The following RALGAPA2 variants were observed in gnomAD, a reference collection of about 807,000 sequenced individuals.
The protein encoded by RALGAPA2 is ral GTPase-activating protein subunit alpha-2.
A neutral mutation model predicts 230.4 loss-of-function variants in RALGAPA2; 139 were observed. The ratio of observed to expected loss-of-function variants is 0.60; its 90% CI spans 0.53 to 0.69. RALGAPA2 has a LOEUF of 0.69. Among genes scored for constraint, RALGAPA2 ranks in the 30% least tolerant of loss-of-function variants. The probability of loss-of-function intolerance (pLI) is 0.00; values close to 1 mark genes in which losing one functional copy is unlikely to be tolerated. For missense variants in RALGAPA2, 2,163 were observed against 2,276.0 expected (o/e 0.95, Z 1.01); for synonymous variants, 847 against 837.8 (o/e 1.01, Z -0.19).
intron 23 of RALGAPA2, among the ~76,000 whole-genome samples, chr20:20,548,595 T>G (rs2063837606): frequency 6.6e-6 from 1 of 152,202 alleles, no homozygotes; most frequent in Non-Finnish European, 1.5e-5. Context: ...CCATGCTTCT[T>G]CCAGGTTAAT....
At chr20:20,527,204 CAGA>C (rs2063229759) in intron 27 of RALGAPA2, among the ~76,000 whole-genome samples, 2 of 152,196 alleles carry the variant, frequency 1.3e-5, no homozygotes, top group African/African-American at 4.8e-5. Context: ...CCACATGAAG[CAGA>C]CCATCATCAA....
At chr20:20,425,709 T>C (rs1364769313) in intron 37 of RALGAPA2, among the ~76,000 whole-genome samples, 2 of 152,188 alleles carry the variant, frequency 1.3e-5, no homozygotes, top group Non-Finnish European at 2.9e-5. Flanking sequence ...ACCTGAGTGA[T>C]AAATATTACT....
At position 20,465,149 on chromosome 20, in the gene RALGAPA2, T is replaced by TCACACACACACACACACACA. The variant is rs74180992; in HGVS notation, c.5495+7660_5495+7679dup. Among the ~76,000 whole-genome samples the TCACACACACACACACACACA allele has an allele frequency of 7.4e-3, 810 of 109,188 alleles. 27 individuals carry two copies. The highest frequency in any genetic ancestry group is 0.024 in the East Asian group (79 of 3,234). The allele number at this position is 109,188 out of a possible 152,430, so 71.6% of individuals were successfully genotyped here. ...GCTTCTTCCCTCCCCCCGCAGGCCT[T>TCACACACACACACACACACA]CACACACACACACACACACACACAC... On this transcript the variant is annotated intron_variant, in intron 37 of 39. Transcript: ENST00000202677.
intron 37 of RALGAPA2, among the ~76,000 whole-genome samples, chr20:20,470,551 C>T (rs1238698008): frequency 6.6e-6 from 1 of 151,920 alleles, no homozygotes; most frequent in African/African-American, 2.4e-5. Flanking sequence ...TGTAATCTCC[C>T]CAAGGGCTGA....
intron 35 of RALGAPA2, among the ~76,000 whole-genome samples, chr20:20,498,088 G>T (rs551242564): frequency 5.3e-5 from 8 of 152,164 alleles, no homozygotes; most frequent in Admixed American, 1.3e-4. Flanking sequence ...TCAAAGTGTT[G>T]CCCAATTTAA....
At chr20:20,458,824 ATATATATATATAGACC>A (rs1343188914) in intron 37 of RALGAPA2, among the ~76,000 whole-genome samples, 95 of 3,496 alleles carry the variant, frequency 0.027, no homozygotes, top group South Asian at 0.11. Flanking sequence ...ATATAGACCT[ATATATATATATAGACC>A]TATATATATA....
At chr20:20,694,296 GT>G (rs1437409621) in intron 1 of RALGAPA2, among the ~76,000 whole-genome samples, 2 of 152,148 alleles carry the variant, frequency 1.3e-5, no homozygotes, top group Non-Finnish European at 2.9e-5. Flanking sequence ...CCAGAAGTTG[GT>G]TTGTTTAAAA....
intron 36 of RALGAPA2, among the ~76,000 whole-genome samples, chr20:20,487,869 G>C (rs955508751): frequency 6.6e-5 from 10 of 150,950 alleles, no homozygotes; most frequent in African/African-American, 2.4e-4. Flanking sequence ...CTGAGATCGT[G>C]CCACTGCACT....
Position 20,691,666 on chromosome 20 carries a change from C to T in RALGAPA2, c.107-10865G>A, listed in dbSNP as rs78342496. 1.4e-3 allele frequency among the ~76,000 whole-genome samples: 213 copies of T among 152,264 alleles called. 1 individual carries two copies. The highest frequency in any genetic ancestry group is 4.3e-3 in the African/African-American group (180 of 41,550). On this transcript the variant is annotated intron_variant, in intron 1 of 39. Transcript: ENST00000202677. Reference sequence around the variant, plus strand: ...GGCCAATTTTCACTTCTCTCCAGGGCCAATAGCAGATACCCATGTAATCTG... The same window carrying T: ...GGCCAATTTTCACTTCTCTCCAGGGTCAATAGCAGATACCCATGTAATCTG...
intron 3 of RALGAPA2, among the ~76,000 whole-genome samples, chr20:20,675,501 C>T (rs1489341488): frequency 1.3e-5 from 2 of 152,198 alleles, no homozygotes; most frequent in South Asian, 2.1e-4. Context: ...CCTAAGCCTA[C>T]ACCTCTCAAA....
chr20:20,446,336 CAT>C (rs1293454442), intron 37 of RALGAPA2, among the ~76,000 whole-genome samples: 1 of 152,188 alleles, frequency 6.6e-6, no homozygotes, highest in Non-Finnish European at 1.5e-5. Context: ...TGGTTAAACA[CAT>C]ATGCTGGCAG....
chr20:20,404,376 C>A (rs2059906435), intron 38 of RALGAPA2, among the ~76,000 whole-genome samples: 1 of 152,136 alleles, frequency 6.6e-6, no homozygotes, highest in South Asian at 2.1e-4. Context: ...ACAAAATATT[C>A]TTTCTTCTTT....
chr20:20,599,698 C>T lies in RALGAPA2; in HGVS notation c.2203+1984G>A, dbSNP rs141779120. On this transcript the variant is annotated intron_variant, in intron 16 of 39. Transcript: ENST00000202677. ...CCTACCCTTTGCCTATTCGAATTCCCAATAGGCTGGGAGCCTGTAATCCCA... is the reference window on the plus strand; with the variant it reads ...CCTACCCTTTGCCTATTCGAATTCCTAATAGGCTGGGAGCCTGTAATCCCA... Among the ~76,000 whole-genome samples the T allele has an allele frequency of 2.4e-3, 358 of 152,236 alleles. 2 individuals are homozygous for T. The highest frequency in any genetic ancestry group is 8.1e-3 in the African/African-American group (336 of 41,548).
intron 27 of RALGAPA2, among the ~76,000 whole-genome samples, chr20:20,528,988 T>C (rs997615866): frequency 2.6e-5 from 4 of 152,106 alleles, no homozygotes; most frequent in African/African-American, 9.7e-5. Context: ...CCTCGTTCCT[T>C]GTAGCAACTC....
intron 24 of RALGAPA2, among the ~76,000 whole-genome samples, chr20:20,542,307 T>G (rs924069037): frequency 1.1e-4 from 17 of 152,152 alleles, no homozygotes; most frequent in Non-Finnish European, 2.4e-4. Context: ...ATAGGAAGAA[T>G]CAATATCATG....
At chr20:20,424,163 AG>A (rs962488521) in intron 37 of RALGAPA2, among the ~76,000 whole-genome samples, 3 of 152,172 alleles carry the variant, frequency 2.0e-5, no homozygotes, top group Non-Finnish European at 2.9e-5. Context: ...AGTTCTTCCC[AG>A]GGGATTGATT....
intron 27 of RALGAPA2, among the ~76,000 whole-genome samples, chr20:20,531,486 C>G (rs1025864565): frequency 6.6e-6 from 1 of 152,220 alleles, no homozygotes; most frequent in Non-Finnish European, 1.5e-5. Context: ...CAGGAAGACT[C>G]GAGACACTCG....
chr20:20,618,980 T>C (rs2066239820), intron 12 of RALGAPA2, among the ~76,000 whole-genome samples: 1 of 152,234 alleles, frequency 6.6e-6, no homozygotes, highest in African/African-American at 2.4e-5. Context: ...TGGAAGATAA[T>C]TTAAAGATTT....
In RALGAPA2 at chr20:20,692,651, T is replaced by C. The variant is rs2068955686; in HGVS notation, c.107-11850A>G. 2.0e-5 allele frequency among the ~76,000 whole-genome samples: 3 copies of C among 152,344 alleles called. No individual in the cohort carries two copies. The Middle Eastern group carries it at 0.01, about 518-fold the overall frequency. On this transcript the variant is annotated intron_variant, in intron 1 of 39. Coordinates refer to ENST00000202677, the MANE Select transcript of RALGAPA2 (RefSeq NM_020343.4). ...CAATACAAAACAACAGAAAGTCTGA[T>C]GAAGATAGCTGAGAAAAGCTTTACT...
Sources: allele counts gnomAD v4.1 joint callset (sites outside exome capture counted in the v4.1 genomes callset), GRCh38; gene constraint gnomAD v4.1.1; transcripts MANE v1.5; gene names NCBI Gene and HGNC (gene_info 2026-07-23, HGNC 2026-07-21).